The following TENM4 variants were observed in gnomAD, a reference collection of about 807,000 sequenced individuals.
TENM4 encodes the protein teneurin-4.
In TENM4, 82 loss-of-function variants were observed where a neutral mutation model predicts 243.3. That is an observed-to-expected ratio of 0.34 (90% CI 0.28 to 0.40). The LOEUF (loss-of-function observed/expected upper bound fraction) is 0.40, where lower values mean the gene tolerates loss of function less well. Among genes scored for constraint, TENM4 ranks in the 10% least tolerant of loss-of-function variants. The probability of loss-of-function intolerance (pLI) is 1.00; values close to 1 mark genes in which losing one functional copy is unlikely to be tolerated. For synonymous variants in TENM4, 1,412 were observed against 1,456.3 expected, an observed-to-expected ratio of 0.97 and a Z score of 0.69; for missense variants, 3,138 against 3,673.3, an observed-to-expected ratio of 0.85 and a Z score of 3.77.
At chr11:78,933,068 G>A (rs547625219) in intron 6 of TENM4, among the ~76,000 whole-genome samples, 10 of 152,220 alleles carry the variant, frequency 6.6e-5, no homozygotes, top group South Asian at 6.2e-4. Context: ...CCCGAACTCC[G>A]CTCCTGTTCT....
At chr11:79,185,187 A>G (rs1863358901) in intron 3 of TENM4, among the ~76,000 whole-genome samples, 1 of 152,066 alleles carries the variant, frequency 6.6e-6, no homozygotes, top group African/African-American at 2.4e-5. Context: ...AGTCCCATCT[A>G]CTTGAGAGGC....
intron 4 of TENM4, among the ~76,000 whole-genome samples, chr11:79,136,458 T>C (rs753926702): frequency 3.3e-5 from 5 of 152,116 alleles, no homozygotes; most frequent in Non-Finnish European, 4.4e-5. Flanking sequence ...CTCAGCAACA[T>C]GTACTTACAC....
intron 6 of TENM4, among the ~76,000 whole-genome samples, chr11:78,955,135 T>A (rs1857182302): frequency 6.6e-6 from 1 of 152,208 alleles, no homozygotes; most frequent in African/African-American, 2.4e-5. Flanking sequence ...AAGCCCAAAC[T>A]AGTTCCAAGC....
At chr11:79,271,142 A>C (rs1195957250) in intron 2 of TENM4, among the ~76,000 whole-genome samples, 2 of 152,160 alleles carry the variant, frequency 1.3e-5, no homozygotes, top group African/African-American at 4.8e-5. Flanking sequence ...AGGTACTTGT[A>C]TGCCTTTCTG....
At chr11:79,080,611 C>A (rs1749564207) in intron 4 of TENM4, among the ~76,000 whole-genome samples, 1 of 152,206 alleles carries the variant, frequency 6.6e-6, no homozygotes, top group Non-Finnish European at 1.5e-5. Context: ...CTGTATCTGA[C>A]ACATGTTGCC....
intron 6 of TENM4, among the ~76,000 whole-genome samples, chr11:79,027,923 C>T (rs1053350251): frequency 1.3e-5 from 2 of 152,172 alleles, no homozygotes; most frequent in African/African-American, 4.8e-5. Context: ...GCCCATTTTA[C>T]AGGTTAGGAA....
intron 6 of TENM4, among the ~76,000 whole-genome samples, chr11:78,932,867 G>A (rs1019585859): frequency 1.9e-4 from 29 of 152,344 alleles, no homozygotes; most frequent in African/African-American, 6.5e-4. Context: ...AGGAGGCGGA[G>A]CTCAGGTGGT....
chr11:78,741,902 A>G (rs912219261), intron 19 of TENM4, among the ~76,000 whole-genome samples: 31 of 152,216 alleles, frequency 2.0e-4, no homozygotes, highest in African/African-American at 7.2e-4. Flanking sequence ...ATGATCCTCT[A>G]TTACCAGTCC....
chr11:79,009,374 T>G (rs1282887925), intron 6 of TENM4, among the ~76,000 whole-genome samples: 1 of 152,146 alleles, frequency 6.6e-6, no homozygotes, highest in East Asian at 1.9e-4. Flanking sequence ...ATTTTATTGT[T>G]CTTATGAGCC....
chr11:79,308,557 G>A (rs1856665053), intron 1 of TENM4, among the ~76,000 whole-genome samples: 1 of 152,236 alleles, frequency 6.6e-6, no homozygotes, highest in Non-Finnish European at 1.5e-5. Context: ...CACAGTGGGA[G>A]AAAATGGTAA....
At position 79,169,623 on chromosome 11, in the gene TENM4, G is replaced by A. The variant is rs1862993874; in HGVS notation, c.-162-20817C>T. On this transcript the variant is annotated intron_variant, in intron 3 of 33. Transcript: ENST00000278550. ...TTGACAAGATCCAGTGTCAGACTGT[G>A]TGATGTGACCCCCTCCCCCCAAAAA... 3.9e-5 allele frequency among the ~76,000 whole-genome samples: 6 copies of A among 152,268 alleles called. No homozygotes were observed. The South Asian group carries it at 1.2e-3, about 32-fold the overall frequency.
chr11:79,284,458 G>A (rs1321451317), intron 2 of TENM4, among the ~76,000 whole-genome samples: 7 of 152,176 alleles, frequency 4.6e-5, no homozygotes, highest in East Asian at 1.9e-4. Flanking sequence ...CAATAAGAAA[G>A]TCTTGTCAGG....
intron 6 of TENM4, among the ~76,000 whole-genome samples, chr11:79,023,736 G>C (rs1397407778): frequency 6.6e-6 from 1 of 152,160 alleles, no homozygotes; most frequent in African/African-American, 2.4e-5. Context: ...TCTAGGCAGA[G>C]GGCCCAGTGG....
chr11:79,174,146 T>C (rs1321561566), intron 3 of TENM4, among the ~76,000 whole-genome samples: 1 of 152,214 alleles, frequency 6.6e-6, no homozygotes, highest in Non-Finnish European at 1.5e-5. Context: ...CATAAAGATG[T>C]AAGTTACATA....
At chr11:79,019,451 C>T (rs1431221907) in intron 6 of TENM4, among the ~76,000 whole-genome samples, 1 of 152,146 alleles carries the variant, frequency 6.6e-6, no homozygotes, top group Non-Finnish European at 1.5e-5. Flanking sequence ...GGTGCCATTT[C>T]CCCTCAACTA....
intron 6 of TENM4, among the ~76,000 whole-genome samples, chr11:78,906,169 CTGT>C (rs1054185572): frequency 1.3e-5 from 2 of 152,242 alleles, no homozygotes; most frequent in African/African-American, 4.8e-5. Context: ...ATTGGAGCAT[CTGT>C]AATGTGTGCT....
At chr11:78,711,259 T>C (rs1448350404) in intron 26 of TENM4, among the ~76,000 whole-genome samples, 1 of 152,312 alleles carries the variant, frequency 6.6e-6, no homozygotes, top group East Asian at 1.9e-4. Context: ...TGTGATATAA[T>C]AGAACAACAA....
intron 12 of TENM4, among the ~76,000 whole-genome samples, chr11:78,826,760 T>A (rs918696181): frequency 6.6e-6 from 1 of 152,174 alleles, no homozygotes; most frequent in Non-Finnish European, 1.5e-5. Flanking sequence ...CAAAGAAAAA[T>A]CTTCATGTTG....
chr11:79,060,643 A>C (rs1435103314), intron 6 of TENM4, among the ~76,000 whole-genome samples: 2 of 152,204 alleles, frequency 1.3e-5, no homozygotes, highest in African/African-American at 2.4e-5. Flanking sequence ...TGCAGACTCA[A>C]ATGGAGGCAG....
Sources: allele counts gnomAD v4.1 joint callset (sites outside exome capture counted in the v4.1 genomes callset), GRCh38; gene constraint gnomAD v4.1.1; transcripts MANE v1.5; gene names NCBI Gene and HGNC (gene_info 2026-07-23, HGNC 2026-07-21).